ATRNL1: variants seen among roughly 807,000 people sequenced by gnomAD.
The protein encoded by ATRNL1 is attractin-like protein 1.
Under a neutral mutation model 182.7 loss-of-function variants are expected in ATRNL1, and 95 were observed. The ratio of observed to expected loss-of-function variants is 0.52; its 90% CI spans 0.44 to 0.62. The LOEUF (loss-of-function observed/expected upper bound fraction) is 0.62. Ranked by LOEUF, ATRNL1 falls within the 20% of genes least tolerant of loss-of-function variation. The probability of loss-of-function intolerance (pLI) is 0.00; values close to 1 mark genes in which losing one functional copy is unlikely to be tolerated. For missense variants in ATRNL1, 1,471 were observed against 1,679.5 expected, an observed-to-expected ratio of 0.88 and a Z score of 2.17; for synonymous variants, 576 against 568.3, an observed-to-expected ratio of 1.01 and a Z score of -0.19.
intron 10 of ATRNL1, among the ~76,000 whole-genome samples, chr10:115,248,338 A>G (rs1489759466): frequency 6.6e-6 from 1 of 152,130 alleles, no homozygotes; most frequent in Non-Finnish European, 1.5e-5. Flanking sequence ...AAAGTTTTAA[A>G]AAGTCTTAAC....
intron 24 of ATRNL1, among the ~76,000 whole-genome samples, chr10:115,495,634 G>A (rs78624397): frequency 0.02 from 2,962 of 151,564 alleles, 64 homozygotes; most frequent in East Asian, 0.12. Flanking sequence ...AGTTTCGAGT[G>A]ATCTTCTAAG....
intron 25 of ATRNL1, among the ~76,000 whole-genome samples, chr10:115,534,300 C>A (rs1851811855): frequency 6.6e-6 from 1 of 151,774 alleles, no homozygotes; most frequent in South Asian, 2.1e-4. Context: ...GTATTGGGTG[C>A]ATATATATTT....
At chr10:115,300,770 A>G (rs561807690) in intron 16 of ATRNL1, among the ~76,000 whole-genome samples, 25 of 152,332 alleles carry the variant, frequency 1.6e-4, no homozygotes, top group African/African-American at 6.0e-4. Context: ...AATGTATTTT[A>G]ATGCCAATTC....
chr10:115,314,539 C>T (rs975452102), intron 17 of ATRNL1, among the ~76,000 whole-genome samples: 2 of 151,874 alleles, frequency 1.3e-5, no homozygotes, highest in African/African-American at 2.4e-5. Context: ...TTCATGATGC[C>T]GTGTATGTCT....
intron 10 of ATRNL1, among the ~76,000 whole-genome samples, chr10:115,244,630 G>T (rs1416940593): frequency 1.3e-5 from 2 of 152,088 alleles, no homozygotes; most frequent in Non-Finnish European, 2.9e-5. Flanking sequence ...ATTTCTTAAT[G>T]TTCTAGTTTG....
chr10:115,283,638 A>G (rs1852475863), intron 14 of ATRNL1, among the ~76,000 whole-genome samples: 1 of 152,234 alleles, frequency 6.6e-6, no homozygotes, highest in African/African-American at 2.4e-5. Flanking sequence ...ATTAAACTAT[A>G]AAATGAAAAT....
At chr10:115,554,472 G>A (rs1251633754) in intron 26 of ATRNL1, among the ~76,000 whole-genome samples, 1 of 151,540 alleles carries the variant, frequency 6.6e-6, no homozygotes, top group Non-Finnish European at 1.5e-5. Flanking sequence ...GGTAAATATA[G>A]TGCTTTCATT....
intron 18 of ATRNL1, among the ~76,000 whole-genome samples, chr10:115,327,750 C>T (rs79323065): frequency 3.3e-5 from 5 of 151,718 alleles, no homozygotes; most frequent in East Asian, 1.9e-4. Flanking sequence ...GAATACTATG[C>T]AGCCATAAAA....
At chr10:115,142,716 T>C (rs1845801228) in intron 5 of ATRNL1, among the ~76,000 whole-genome samples, 1 of 152,098 alleles carries the variant, frequency 6.6e-6, no homozygotes, top group African/African-American at 2.4e-5. Context: ...TGCTATAATC[T>C]AGGTGAGAGA....
At chr10:115,333,268 G>C (rs1554935617) in intron 18 of ATRNL1, among the ~76,000 whole-genome samples, 1 of 152,170 alleles carries the variant, frequency 6.6e-6, no homozygotes, top group African/African-American at 2.4e-5. Flanking sequence ...GGCACAAAGA[G>C]CATGAGCCTT....
At chr10:115,892,192 A>G (rs1259847074) in intron 28 of ATRNL1, among the ~76,000 whole-genome samples, 1 of 152,142 alleles carries the variant, frequency 6.6e-6, no homozygotes, top group Non-Finnish European at 1.5e-5. Flanking sequence ...TGACATTGTA[A>G]TGGTGATTTT....
rs146057435 is a variant in ATRNL1 at position 115,389,840 on chromosome 10, T to C, written c.3176-4819T>C. On this transcript the variant is annotated intron_variant, in intron 19 of 28. Transcript: ENST00000355044. Reference sequence around the variant, plus strand: ...CAGTACACATGGTTCCTTTTTCTGCTCATCCCTGCCAGCATTTGTTAAATT... The same window carrying C: ...CAGTACACATGGTTCCTTTTTCTGCCCATCCCTGCCAGCATTTGTTAAATT... Among the ~76,000 whole-genome samples, 17 of 152,014 alleles carry C rather than the reference T, an allele frequency of 1.1e-4. No individual in the cohort carries two copies. The East Asian group carries it at 2.9e-3, about 26-fold the overall frequency.
At chr10:115,536,153 G>A (rs2133767782) in intron 25 of ATRNL1, among the ~76,000 whole-genome samples, 1 of 152,182 alleles carries the variant, frequency 6.6e-6, no homozygotes, top group East Asian at 1.9e-4. Flanking sequence ...GTCAGACAGG[G>A]ACATTTAATT....
intron 1 of ATRNL1, among the ~76,000 whole-genome samples, chr10:115,107,790 CA>C (rs782425428): frequency 8.5e-5 from 13 of 152,200 alleles, no homozygotes; most frequent in East Asian, 3.8e-4. Flanking sequence ...CTATACTTTT[CA>C]GAGCTGCAGC....
intron 24 of ATRNL1, among the ~76,000 whole-genome samples, chr10:115,495,502 A>G (rs190042206): frequency 6.6e-6 from 1 of 152,206 alleles, no homozygotes; most frequent in East Asian, 1.9e-4. Flanking sequence ...TGCTCCAGAG[A>G]TTCTGGTGTT....
At chr10:115,613,609 AT>A (rs1192351863) in intron 26 of ATRNL1, among the ~76,000 whole-genome samples, 3 of 152,112 alleles carry the variant, frequency 2.0e-5, no homozygotes, top group African/African-American at 7.2e-5. Flanking sequence ...TATGTTAGTT[AT>A]TTTTTAAAAG....
At chr10:115,321,526 A>G (rs991309366) in intron 18 of ATRNL1, among the ~76,000 whole-genome samples, 28 of 152,004 alleles carry the variant, frequency 1.8e-4, no homozygotes, top group Non-Finnish European at 2.1e-4. Context: ...AGGGAGTTTT[A>G]TACTTTCATT....
chr10:115,747,199 A>G lies in ATRNL1; in HGVS notation c.3903+19844A>G, dbSNP rs1169146869. Among the ~76,000 whole-genome samples the G allele has an allele frequency of 2.6e-5, 4 of 152,114 alleles. No individual in the cohort carries two copies. In the East Asian group the frequency reaches 7.7e-4, roughly 29 times the overall value. ...TTCTTATTGTGTCATGTCACCCTCT[A>G]TTGATAACAGCTTTGGGTTCCAATT... is the stretch of plus-strand genomic sequence containing the variant. On this transcript the variant is annotated intron_variant, in intron 27 of 28. Coordinates refer to ENST00000355044, the MANE Select transcript of ATRNL1 (RefSeq NM_207303.4).
chr10:115,504,609 A>C (rs1412497236), intron 24 of ATRNL1, among the ~76,000 whole-genome samples: 1 of 152,116 alleles, frequency 6.6e-6, no homozygotes, highest in Non-Finnish European at 1.5e-5. Context: ...TAAGTATGAA[A>C]TTACTTGAAT....
Sources: allele counts gnomAD v4.1 joint callset (sites outside exome capture counted in the v4.1 genomes callset), GRCh38; gene constraint gnomAD v4.1.1; transcripts MANE v1.5; gene names NCBI Gene and HGNC (gene_info 2026-07-23, HGNC 2026-07-21).